The following DNAH1 variants were observed in gnomAD, a reference collection of about 807,000 sequenced individuals.
DNAH1 encodes the protein axonemal beta dynein heavy chain 1.
DNAH1 carries 327 observed loss-of-function variants against 484.3 expected under a neutral mutation model. The ratio of observed to expected loss-of-function variants is 0.68; its 90% CI spans 0.62 to 0.74. The LOEUF is 0.74. DNAH1 is among the 30% of genes least tolerant of loss of function. The pLI is 0.00. For synonymous variants in DNAH1, 2,192 were observed against 2,191.9 expected (o/e 1.00, Z 0.00); for missense variants, 5,052 against 5,546.8 (o/e 0.91, Z 2.83).
Position 52,357,922 on chromosome 3 carries a change from A to T in DNAH1, c.4005A>T (p.Glu1335Asp). 6.2e-7 allele frequency: 1 copy of T among 1,613,026 alleles called. No homozygotes were observed. Among genetic ancestry groups the T allele is most frequent in the Non-Finnish European group, 8.5e-7 (1 of 1,179,658 alleles). Reference sequence around the variant, plus strand: ...GATTCTACTTCCTGTCAGATGATGAACTACTAGAGATCTTGTCGCAGACAA... The same window carrying T: ...GATTCTACTTCCTGTCAGATGATGATCTACTAGAGATCTTGTCGCAGACAA... Reference protein sequence around the residue: ...FPRFYFLSDDELLEILSQTKD... With the variant: ...FPRFYFLSDDDLLEILSQTKD... The change falls in exon 24 of 78, where the codon GAA (glutamate) becomes GAT (aspartate). Residue 1335 changes from glutamate (E) to aspartate (D), a missense_variant. This residue lies in a region of DNAH1 where 2,929 missense variants were observed against 3,409.4 expected (regional missense o/e 0.86). Transcript: ENST00000420323.
At chr3:52,373,971 A>G (rs2153224851) in intron 44 of DNAH1, 1 of 1,191,432 alleles carries the variant, frequency 8.4e-7, no homozygotes, top group East Asian at 2.3e-5. Flanking sequence ...ACACTTATTT[A>G]TGAATTTTTC....
rs140501928 is a variant in DNAH1, at chr3:52,340,916, G to T, written c.1287-3574G>T. 2.3e-3 allele frequency among the ~76,000 whole-genome samples: 348 copies of T among 151,894 alleles called. 1 individual carries two copies. Among genetic ancestry groups the T allele is most frequent in the African/African-American group, 8.0e-3 (330 of 41,406 alleles). ...AAGTCTAGGCATTCTGCTGATTCTA[G>T]TTGTGCTAAAGGTGTGGGTTTTGGT... On this transcript the variant is annotated intron_variant, in intron 8 of 77. Coordinates refer to ENST00000420323, the MANE Select transcript of DNAH1 (RefSeq NM_015512.5).
At chr3:52,313,271 G>T (rs143424326), upstream of DNAH1, among the ~76,000 whole-genome samples, 508 of 152,326 alleles carry the variant, frequency 3.3e-3, 3 homozygotes, top group African/African-American at 0.012. Context: ...TCAGTGTCTG[G>T]CGCAAAAGGT....
chr3:52,383,069 A>G (rs1359751883), intron 50 of DNAH1, among the ~76,000 whole-genome samples: 1 of 152,220 alleles, frequency 6.6e-6, no homozygotes, highest in African/African-American at 2.4e-5. Flanking sequence ...GCAAGGACCT[A>G]TCTCTGCCCG....
chr3:52,343,343 G>T (rs1415579311), intron 8 of DNAH1, among the ~76,000 whole-genome samples: 1 of 152,130 alleles, frequency 6.6e-6, no homozygotes, highest in Non-Finnish European at 1.5e-5. Flanking sequence ...GGCTGAGCTT[G>T]CTGGGCTTTT....
chr3:52,348,969 C>T lies in DNAH1; in HGVS notation c.2188C>T (p.Arg730Trp), dbSNP rs371359758. The change falls in exon 13 of 78, where the codon CGG becomes TGG. Residue 730 changes from arginine to tryptophan, a missense_variant. This residue lies in a region of DNAH1 where 1,263 missense variants were observed against 1,218.8 expected (regional missense o/e 1.04). Coordinates refer to ENST00000420323, the MANE Select transcript of DNAH1 (RefSeq NM_015512.5). ...TCATGAGCCACTGGTGGAAGAGCTA[C>T]GGGCCACCATTGCCAGTGCCGTGTC... ...GLHEPLVEEL[R>W]ATIASAVSKA... 4.2e-5 allele frequency: 68 copies of T among 1,613,386 alleles called. No individual in the cohort carries two copies. In the Admixed American group the frequency reaches 6.2e-4, roughly 15 times the overall value.
intron 6 of DNAH1, among the ~76,000 whole-genome samples, 193 bp from the exon 7 acceptor site, chr3:52,330,955 G>C (rs1701520998): frequency 6.6e-6 from 1 of 152,200 alleles, no homozygotes; most frequent in Non-Finnish European, 1.5e-5. Context: ...TGCAGCACGG[G>C]GTTCCTCAGA....
At chr3:52,311,424 G>C (rs1043132590), upstream of DNAH1, among the ~76,000 whole-genome samples, 2 of 152,194 alleles carry the variant, frequency 1.3e-5, no homozygotes, top group Non-Finnish European at 2.9e-5. Flanking sequence ...GTCATCTGCA[G>C]TTGCAGTCAC....
At chr3:52,387,814 C>T (rs567534779) in intron 56 of DNAH1, among the ~76,000 whole-genome samples, 11 of 152,294 alleles carry the variant, frequency 7.2e-5, no homozygotes, top group African/African-American at 2.4e-4. Flanking sequence ...GCCTGGTGGG[C>T]CTCAGAACCA....
chr3:52,388,757 G>A, intron 58 of DNAH1, 49 bp from the exon 59 acceptor site: 2 of 1,608,852 alleles, frequency 1.2e-6, no homozygotes, highest in Non-Finnish European at 1.7e-6. Flanking sequence ...CCAGCCCCAG[G>A]CCCCTAGCCC....
At chr3:52,374,562 G>A (rs919131770) in intron 44 of DNAH1, 8 of 1,502,520 alleles carry the variant, frequency 5.3e-6, no homozygotes, top group Non-Finnish European at 7.4e-6. Context: ...GGCCAAATGT[G>A]TCTCCAGCCC....
chr3:52,351,105 C>A (rs576978300), intron 16 of DNAH1, among the ~76,000 whole-genome samples: 1 of 152,234 alleles, frequency 6.6e-6, no homozygotes. Context: ...CCGCCGCGCC[C>A]TCCCAAACTG....
chr3:52,354,815 A>G, intron 20 of DNAH1, 28 bp from the exon 21 acceptor site: 1 of 1,609,876 alleles, frequency 6.2e-7, no homozygotes, highest in Non-Finnish European at 8.5e-7. Context: ...CCCTCCCAGG[A>G]CTCAGCCTGG....
rs1310600006 is a variant in DNAH1 at position 52,388,421 on chromosome 3, G to A, written c.9175G>A (p.Ala3059Thr). 2 of 1,611,144 alleles carry A rather than the reference G, an allele frequency of 1.2e-6. No individual in the cohort carries two copies. Among genetic ancestry groups the A allele is most frequent in the Non-Finnish European group, 1.7e-6 (2 of 1,178,556 alleles). Reference sequence around the variant, plus strand: ...TCCTGCGCCCTCCGCCCCACAGCAAGCCCTGCTGGAGGCCCAGGATGACCT... The same window carrying A: ...TCCTGCGCCCTCCGCCCCACAGCAAACCCTGCTGGAGGCCCAGGATGACCT... ...VAKAVEPKRQ[A>T]LLEAQDDLGV... Residue 3059 changes from alanine (A) to threonine (T), a missense_variant, in exon 58 of 78, where the codon GCC becomes ACC. Transcript: ENST00000420323.
chr3:52,352,373 C>T (rs1197428519), intron 17 of DNAH1, among the ~76,000 whole-genome samples, 179 bp from the exon 18 acceptor site: 1 of 152,126 alleles, frequency 6.6e-6, no homozygotes, highest in African/African-American at 2.4e-5. Flanking sequence ...GGCACAGTGT[C>T]AGTGCATTGG....
At position 52,397,006 on chromosome 3, in the gene DNAH1, G is replaced by A; in HGVS notation, c.11749G>A (p.Gly3917Ser). The change falls in exon 73 of 78, where the codon GGC (glycine) becomes AGC (serine). Residue 3917 changes from glycine (G) to serine (S), a missense_variant. This residue lies in a region of DNAH1 where 853 missense variants were observed against 899.0 expected (regional missense o/e 0.95). Transcript: ENST00000420323. ...LSPEHSYSASGIYHQIPPTYD... is the reference protein window; with the variant it reads ...LSPEHSYSASSIYHQIPPTYD... ...CCCTGAGCACAGCTACAGCGCCTCG[G>A]GCATCTACCACCAGATCCCGCCTAC... 6.2e-7 allele frequency: 1 copy of A among 1,610,836 alleles called. No individual in the cohort carries two copies. The highest frequency in any genetic ancestry group is 8.5e-7 in the Non-Finnish European group (1 of 1,178,620).
chr3:52,336,624 A>G (rs1039573435), intron 8 of DNAH1, among the ~76,000 whole-genome samples: 1 of 152,156 alleles, frequency 6.6e-6, no homozygotes, highest in African/African-American at 2.4e-5. Flanking sequence ...GTGAAAGGTA[A>G]GGGTCCGGTT....
Position 52,378,669 on chromosome 3 carries a change from C to T in DNAH1, c.7266C>T (p.Thr2422=). 1 of 1,613,772 alleles carries T rather than the reference C, an allele frequency of 6.2e-7. No homozygotes were observed. Residue 2422 remains threonine (T), a synonymous_variant, in exon 47 of 78, where the codon ACC becomes ACT. Coordinates refer to ENST00000420323, the MANE Select transcript of DNAH1 (RefSeq NM_015512.5). ...AAGCCACCATCATGGTGTATGCAAC[C>T]ATCACCTCCCAGCTGCTGCCCACTC... ...LVEATIMVYA[T]ITSQLLPTPA... is the part of the protein sequence containing the mutation.
At position 52,345,596 on chromosome 3, in the gene DNAH1, G is replaced by A. The variant is rs773240468; in HGVS notation, c.1546G>A (p.Val516Met). 8.7e-6 allele frequency: 14 copies of A among 1,605,102 alleles called. No homozygotes were observed. The African/African-American group carries it at 1.1e-4, about 12-fold the overall frequency. ...RPEVITALSK[V>M]RAECNKVTAM... ...AGAGGTCATCACGGCCCTCAGCAAG[G>A]TGAGGGCCGAGTGCAACAAGGTGAC... The change falls in exon 10 of 78, where the codon GTG (valine) becomes ATG (methionine). Residue 516 changes from valine (V) to methionine (M), a missense_variant. This residue lies in a region of DNAH1 where 1,263 missense variants were observed against 1,218.8 expected (regional missense o/e 1.04). Transcript: ENST00000420323.
Sources: allele counts gnomAD v4.1 joint callset (sites outside exome capture counted in the v4.1 genomes callset), GRCh38; gene constraint gnomAD v4.1.1; regional missense constraint gnomAD v4.1.1; transcripts MANE v1.5; gene names NCBI Gene and HGNC (gene_info 2026-07-23, HGNC 2026-07-21).